CALN1: variants seen among roughly 807,000 people sequenced by gnomAD.
CALN1 encodes calneuron 1, also known as calcium-binding protein 8.
In CALN1, 17 loss-of-function variants were observed where a neutral mutation model predicts 30.6. The observed-to-expected ratio is 0.56, with a 90% CI of 0.38 to 0.83. The LOEUF (loss-of-function observed/expected upper bound fraction) is 0.83. Ranked by LOEUF, CALN1 falls within the 40% of genes least tolerant of loss-of-function variation. CALN1 has a pLI of 0.00. For missense variants in CALN1, 291 were observed against 354.9 expected (o/e 0.82, Z 1.45); for synonymous variants, 156 against 131.4 (o/e 1.19, Z -1.28).
chr7:72,370,131 G>C (rs1354148406), intron 2 of CALN1, among the ~76,000 whole-genome samples: 1 of 152,062 alleles, frequency 6.6e-6, no homozygotes. Context: ...ACCAGAACTT[G>C]GTACAGTCAT....
chr7:72,386,025 A>G (rs918449486), intron 2 of CALN1, among the ~76,000 whole-genome samples: 1 of 152,226 alleles, frequency 6.6e-6, no homozygotes, highest in African/African-American at 2.4e-5. Flanking sequence ...AGCCAGTTTG[A>G]AAAGGCTACC....
At chr7:72,140,457 G>A (rs1373653027) in intron 3 of CALN1, among the ~76,000 whole-genome samples, 1 of 151,954 alleles carries the variant, frequency 6.6e-6, no homozygotes, top group African/African-American at 2.4e-5. Flanking sequence ...CTGTGGACCT[G>A]CCCAGACAAT....
chr7:72,209,310 C>CTCTT (rs143091829), intron 3 of CALN1, among the ~76,000 whole-genome samples: 1 of 21,052 alleles, frequency 4.8e-5, no homozygotes, highest in Non-Finnish European at 7.0e-5. Context: ...CTTTCCTTCC[C>CTCTT]TCCTTCCCTC....
intron 5 of CALN1, among the ~76,000 whole-genome samples, chr7:71,840,362 AT>A (rs1789863881): frequency 6.6e-6 from 1 of 151,806 alleles, no homozygotes; most frequent in Admixed American, 6.6e-5. Context: ...GTGTGCACCC[AT>A]AGTCCCAGCT....
intron 6 of CALN1, among the ~76,000 whole-genome samples, chr7:71,796,936 C>G (rs192490075): frequency 1.3e-4 from 20 of 152,220 alleles, no homozygotes; most frequent in African/African-American, 4.3e-4. Context: ...TGTGCAAGCT[C>G]TAGCGACAGA....
intron 5 of CALN1, among the ~76,000 whole-genome samples, chr7:71,914,777 C>G (rs560579160): frequency 6.6e-6 from 1 of 152,098 alleles, no homozygotes; most frequent in African/African-American, 2.4e-5. Context: ...TAGTTTTGAT[C>G]TGCATTTCTC....
intron 3 of CALN1, among the ~76,000 whole-genome samples, chr7:72,231,210 T>C (rs1200724503): frequency 2.0e-5 from 3 of 152,098 alleles, no homozygotes; most frequent in African/African-American, 7.2e-5. Context: ...GGTGGTTTGC[T>C]GCATCTATCA....
chr7:72,299,694 T>TC (rs1799120283), intron 2 of CALN1, among the ~76,000 whole-genome samples: 1 of 134,308 alleles, frequency 7.4e-6, no homozygotes, highest in Non-Finnish European at 1.6e-5. Context: ...CTTATCTTTT[T>TC]TTTTTTTTTT....
At chr7:72,430,812 C>T (rs1229092242) in intron 1 of CALN1, among the ~76,000 whole-genome samples, 1 of 152,124 alleles carries the variant, frequency 6.6e-6, no homozygotes, top group East Asian at 1.9e-4. Flanking sequence ...CCACCTCCGG[C>T]TCTACCAACT....
chr7:72,125,563 C>T (rs889740418), intron 3 of CALN1, among the ~76,000 whole-genome samples: 1 of 151,952 alleles, frequency 6.6e-6, no homozygotes, highest in East Asian at 1.9e-4. Flanking sequence ...AAGTAGACAG[C>T]GGTACAGAAT....
chr7:72,224,810 C>T (rs964185027), intron 3 of CALN1, among the ~76,000 whole-genome samples: 4 of 151,748 alleles, frequency 2.6e-5, no homozygotes, highest in African/African-American at 7.3e-5. Context: ...AGGATAAGGC[C>T]GGGCACGGTG....
At chr7:72,389,232 G>C (rs1285852119) in intron 2 of CALN1, among the ~76,000 whole-genome samples, 1 of 152,218 alleles carries the variant, frequency 6.6e-6, no homozygotes, top group Non-Finnish European at 1.5e-5. Flanking sequence ...CAATCCCAGA[G>C]AGAAGGATGC....
At chr7:72,031,182 G>C (rs1475263627) in intron 4 of CALN1, among the ~76,000 whole-genome samples, 1 of 152,130 alleles carries the variant, frequency 6.6e-6, no homozygotes, top group Non-Finnish European at 1.5e-5. Context: ...GACATGGTCT[G>C]TCTGGATCAC....
At chr7:72,413,923 A>G (rs146075078), upstream of CALN1, among the ~76,000 whole-genome samples, 120 of 152,016 alleles carry the variant, frequency 7.9e-4, no homozygotes, top group African/African-American at 2.8e-3. Flanking sequence ...GCACTCCCAT[A>G]CATGCACCCT....
At chr7:72,371,260 T>C (rs1804226776) in intron 2 of CALN1, among the ~76,000 whole-genome samples, 1 of 152,152 alleles carries the variant, frequency 6.6e-6, no homozygotes, top group Non-Finnish European at 1.5e-5. Flanking sequence ...TTTTGTGAGA[T>C]CTAAGGATTG....
At chr7:72,393,333 G>A (rs953238195) in intron 2 of CALN1, among the ~76,000 whole-genome samples, 5 of 151,734 alleles carry the variant, frequency 3.3e-5, no homozygotes, top group East Asian at 1.9e-4. Context: ...GCATGGTGGC[G>A]GGCACCTGTA....
chr7:71,949,312 A>C (rs1796570554), intron 5 of CALN1, among the ~76,000 whole-genome samples: 1 of 152,160 alleles, frequency 6.6e-6, no homozygotes, highest in Non-Finnish European at 1.5e-5. Flanking sequence ...CGAGTAAGTG[A>C]CTGTAACTTT....
At chr7:71,862,357 G>A (rs997330124) in intron 5 of CALN1, among the ~76,000 whole-genome samples, 3 of 152,144 alleles carry the variant, frequency 2.0e-5, no homozygotes, top group Non-Finnish European at 4.4e-5. Flanking sequence ...GGGACCCAGT[G>A]GAAGGTAACT....
At position 72,045,807 on chromosome 7, in the gene CALN1, C is replaced by A. The variant is rs931352058; in HGVS notation, c.389-22038G>T. 4.0e-5 allele frequency among the ~76,000 whole-genome samples: 6 copies of A among 151,788 alleles called. No homozygotes were observed. The East Asian group carries it at 1.2e-3, about 30-fold the overall frequency. Reference sequence around the variant, plus strand: ...CTGAGGTCAGGAGTTTGATACCAGCCTGGCCAACATGGTGAAACCCTGTCT... The same window carrying A: ...CTGAGGTCAGGAGTTTGATACCAGCATGGCCAACATGGTGAAACCCTGTCT... On this transcript the variant is annotated intron_variant, in intron 4 of 6. Transcript: ENST00000395275.
Sources: allele counts gnomAD v4.1 joint callset (sites outside exome capture counted in the v4.1 genomes callset), GRCh38; gene constraint gnomAD v4.1.1; transcripts MANE v1.5; gene names NCBI Gene and HGNC (gene_info 2026-07-23, HGNC 2026-07-21).